The following CSMD3 variants were observed in gnomAD, a reference collection of about 807,000 sequenced individuals.
CSMD3 encodes the protein CUB and Sushi multiple domains 3.
CSMD3 carries 177 observed loss-of-function variants against 435.2 expected under a neutral mutation model. The observed-to-expected ratio is 0.41, with a 90% CI of 0.36 to 0.46. CSMD3 has a LOEUF of 0.46. Ranked by LOEUF, CSMD3 falls within the 20% of genes least tolerant of loss-of-function variation. The pLI is 0.34. For missense variants in CSMD3, 4,265 were observed against 4,504.6 expected (o/e 0.95, Z 1.52); for synonymous variants, 1,656 against 1,520.5 (o/e 1.09, Z -2.07).
chr8:112,591,720 T>G (rs1184673662), intron 22 of CSMD3, among the ~76,000 whole-genome samples: 3 of 152,074 alleles, frequency 2.0e-5, no homozygotes, highest in African/African-American at 7.2e-5. Flanking sequence ...TTTTTCCATA[T>G]GTTTAATTAT....
chr8:112,362,020 C>G (rs1492677), intron 38 of CSMD3, among the ~76,000 whole-genome samples: 59,309 of 151,562 alleles, frequency 0.39, 13,201 homozygotes, highest in Middle Eastern at 0.53. Context: ...ATTATCATTT[C>G]ACATTCCACA....
intron 22 of CSMD3, among the ~76,000 whole-genome samples, chr8:112,633,661 A>G (rs1156663700): frequency 6.6e-6 from 1 of 152,086 alleles, no homozygotes; most frequent in Non-Finnish European, 1.5e-5. Flanking sequence ...ATCCAGAATA[A>G]GATAAATTTT....
At chr8:113,329,204 A>AAAAT (rs60369800) in intron 1 of CSMD3, among the ~76,000 whole-genome samples, 11,406 of 143,930 alleles carry the variant, frequency 0.079, 465 homozygotes, top group African/African-American at 0.097. Context: ...TTAAAGAATG[A>AAAAT]AAATAAATAA....
chr8:112,641,274 A>T (rs2074817761), intron 20 of CSMD3, among the ~76,000 whole-genome samples: 1 of 152,176 alleles, frequency 6.6e-6, no homozygotes, highest in African/African-American at 2.4e-5. Flanking sequence ...TCACTACTGC[A>T]AAACAACTTA....
At chr8:113,418,030 T>A (rs1297225018) in intron 1 of CSMD3, among the ~76,000 whole-genome samples, 1 of 152,062 alleles carries the variant, frequency 6.6e-6, no homozygotes, top group Non-Finnish European at 1.5e-5. Context: ...TCCATCTAAT[T>A]TAAAACAGCC....
At chr8:112,291,278 A>G (rs1819737447) in intron 56 of CSMD3, among the ~76,000 whole-genome samples, 1 of 151,966 alleles carries the variant, frequency 6.6e-6, no homozygotes, top group African/African-American at 2.4e-5. Flanking sequence ...TATATGCTCC[A>G]AAGTGCAAAA....
intron 3 of CSMD3, among the ~76,000 whole-genome samples, chr8:113,271,962 C>G (rs1487971261): frequency 6.6e-6 from 1 of 152,166 alleles, no homozygotes; most frequent in Non-Finnish European, 1.5e-5. Context: ...CAAACGAGAT[C>G]ATTTTCGAAC....
chr8:112,227,695 G>A lies in CSMD3; in HGVS notation c.10964+1061C>T, dbSNP rs527791015. Among the ~76,000 whole-genome samples, 409 of 152,156 alleles carry A rather than the reference G, an allele frequency of 2.7e-3. 3 individuals carry two copies. The highest frequency in any genetic ancestry group is 4.8e-3 in the Non-Finnish European group (327 of 68,006). On this transcript the variant is annotated intron_variant, in intron 70 of 70. Transcript: ENST00000297405. ...CTAAGTAGCTGGTAATTCACACTCA[G>A]TACACATTTATATAATATTAAATAA... is the stretch of plus-strand genomic sequence containing the variant.
At chr8:112,428,952 C>G (rs552893096) in intron 32 of CSMD3, among the ~76,000 whole-genome samples, 1 of 151,894 alleles carries the variant, frequency 6.6e-6, no homozygotes, top group South Asian at 2.1e-4. Context: ...TTATTGTGTA[C>G]AACATAATAT....
At chr8:112,731,465 A>G (rs2077073123) in intron 13 of CSMD3, among the ~76,000 whole-genome samples, 1 of 152,160 alleles carries the variant, frequency 6.6e-6, no homozygotes, top group Non-Finnish European at 1.5e-5. Context: ...TAAACCATCA[A>G]AGACTTACAA....
chr8:112,351,323 T>A, intron 39 of CSMD3, 79 bp from the exon 40 acceptor site: 3 of 946,058 alleles, frequency 3.2e-6, no homozygotes, highest in Non-Finnish European at 5.2e-6. Context: ...ATTATTATTA[T>A]AAAAACAAGC....
At chr8:112,779,949 A>AGG (rs2078341493) in intron 13 of CSMD3, among the ~76,000 whole-genome samples, 1 of 152,112 alleles carries the variant, frequency 6.6e-6, no homozygotes, top group Non-Finnish European at 1.5e-5. Context: ...CCATTTTACT[A>AGG]ATATTTCACT....
intron 59 of CSMD3, among the ~76,000 whole-genome samples, chr8:112,278,726 A>G (rs1302598899): frequency 1.3e-5 from 2 of 152,132 alleles, no homozygotes; most frequent in African/African-American, 2.4e-5. Flanking sequence ...GGCTTTAGGT[A>G]TCTAAAACAA....
Position 113,019,096 on chromosome 8 carries a change from C to A in CSMD3, c.1001G>T (p.Arg334Leu). The A allele has an allele frequency of 3.7e-6, 6 of 1,612,440 alleles. No homozygotes were observed. Among genetic ancestry groups the A allele is most frequent in the Non-Finnish European group, 5.1e-6 (6 of 1,178,598 alleles). The change falls in exon 6 of 71, where the codon CGA (arginine) becomes CTA (leucine). Residue 334 changes from arginine to leucine, a missense_variant. Around this residue, in one of 3 missense-constraint regions of CSMD3, gnomAD observed 731 missense variants for 755.4 expected, o/e 0.97. Transcript: ENST00000297405. ...RLHFVTDSNH[R>L]YRGFSAPYQG... ...ATAGGGAGCACTAAATCCACGGTAT[C>A]GATGATTGCTGTCTGTAACAAAATG...
In CSMD3 at chr8:112,370,677, C is replaced by T. The variant is rs568100099; in HGVS notation, c.6136+9675G>A. On this transcript the variant is annotated intron_variant, in intron 38 of 70. Coordinates refer to ENST00000297405, the MANE Select transcript of CSMD3 (RefSeq NM_198123.2). ...TCTCCATAAGGTCTGCCCTGACCAC[C>T]ATAACATCCTTCTTTTTATCCCTAG... is the stretch of plus-strand genomic sequence containing the variant. 3.3e-5 allele frequency among the ~76,000 whole-genome samples: 5 copies of T among 152,254 alleles called. No homozygotes were observed. The East Asian group carries it at 9.7e-4, about 29-fold the overall frequency.
chr8:112,710,907 G>T (rs561320317), intron 13 of CSMD3, among the ~76,000 whole-genome samples: 2 of 151,610 alleles, frequency 1.3e-5, no homozygotes, highest in South Asian at 4.2e-4. Context: ...GCCATTTGCT[G>T]CTCCAAGGAT....
intron 7 of CSMD3, among the ~76,000 whole-genome samples, chr8:112,964,590 T>C (rs1188109712): frequency 1.3e-5 from 2 of 151,920 alleles, no homozygotes; most frequent in East Asian, 1.9e-4. Context: ...CTAGTCCTTT[T>C]AGTAAAATCA....
chr8:112,925,113 T>G (rs2082870180), intron 9 of CSMD3, among the ~76,000 whole-genome samples: 1 of 152,104 alleles, frequency 6.6e-6, no homozygotes, highest in Non-Finnish European at 1.5e-5. Context: ...ACATCCCATA[T>G]CTCCCTAACA....
At chr8:113,174,644 A>G (rs1378047810) in intron 3 of CSMD3, among the ~76,000 whole-genome samples, 1 of 152,002 alleles carries the variant, frequency 6.6e-6, no homozygotes, top group African/African-American at 2.4e-5. Context: ...ATAATATTCA[A>G]TTCAGAAAAA....
Sources: gnomAD v4.1 joint callset for allele counts (sites outside exome capture counted in the v4.1 genomes callset) on GRCh38, gnomAD v4.1.1 for gene constraint, gnomAD v4.1.1 regional missense constraint, MANE v1.5 for transcripts, NCBI Gene and HGNC (gene_info 2026-07-23, HGNC 2026-07-21) for gene names.